CNTN5: variants seen among roughly 807,000 people sequenced by gnomAD.
CNTN5 encodes the protein contactin-5.
A neutral mutation model predicts 129.1 loss-of-function variants in CNTN5; 77 were observed. That is an observed-to-expected ratio of 0.60 (90% confidence interval 0.50 to 0.72). The LOEUF is 0.72. Ranked by LOEUF, CNTN5 falls within the 30% of genes least tolerant of loss-of-function variation. The pLI is 0.00. For synonymous variants in CNTN5, 509 were observed against 465.6 expected, an observed-to-expected ratio of 1.09 and a Z score of -1.20; for missense variants, 1,478 against 1,328.8, an observed-to-expected ratio of 1.11 and a Z score of -1.75.
At chr11:99,420,129 C>A (rs766048601) in intron 2 of CNTN5, among the ~76,000 whole-genome samples, 1 of 152,032 alleles carries the variant, frequency 6.6e-6, no homozygotes, top group Admixed American at 6.6e-5. Flanking sequence ...ATAAATTCCC[C>A]GGATACAAGG....
chr11:100,283,126 A>G (rs1950677814), intron 18 of CNTN5, among the ~76,000 whole-genome samples: 1 of 152,126 alleles, frequency 6.6e-6, no homozygotes, highest in African/African-American at 2.4e-5. Context: ...AGTCTCCTTT[A>G]CTTTTCATAG....
chr11:100,037,112 G>T (rs1177381268), intron 9 of CNTN5, among the ~76,000 whole-genome samples: 11 of 151,582 alleles, frequency 7.3e-5, no homozygotes, highest in Non-Finnish European at 1.6e-4. Flanking sequence ...GGTTTGTCAT[G>T]GATAGCTTTT....
chr11:100,317,817 A>G (rs931559793), intron 21 of CNTN5, among the ~76,000 whole-genome samples: 12 of 152,356 alleles, frequency 7.9e-5, no homozygotes, highest in African/African-American at 2.6e-4. Flanking sequence ...AACTAAAACA[A>G]CTTTAAAATT....
chr11:99,544,113 A>G (rs1040450618), intron 2 of CNTN5, among the ~76,000 whole-genome samples: 7 of 152,108 alleles, frequency 4.6e-5, no homozygotes, highest in African/African-American at 7.2e-5. Context: ...TGGCACTGGC[A>G]TCTGCTTAGT....
At chr11:99,983,303 G>A (rs568398976) in intron 8 of CNTN5, among the ~76,000 whole-genome samples, 1 of 152,290 alleles carries the variant, frequency 6.6e-6, no homozygotes, top group South Asian at 2.1e-4. Flanking sequence ...AAAATATGTG[G>A]CTGTAAAGTG....
chr11:100,172,117 C>A (rs1044612359), intron 13 of CNTN5, among the ~76,000 whole-genome samples: 7 of 151,816 alleles, frequency 4.6e-5, no homozygotes, highest in African/African-American at 1.7e-4. Flanking sequence ...GAAGTTAATT[C>A]AAAATGCAAA....
chr11:100,259,470 C>T (rs1027916286), intron 17 of CNTN5, among the ~76,000 whole-genome samples: 2 of 152,170 alleles, frequency 1.3e-5, no homozygotes, highest in South Asian at 2.1e-4. Context: ...CAGAACTCTC[C>T]ACCCCAAATC....
intron 17 of CNTN5, among the ~76,000 whole-genome samples, chr11:100,265,743 C>G (rs1480059144): frequency 6.6e-6 from 1 of 152,100 alleles, no homozygotes; most frequent in Non-Finnish European, 1.5e-5. Context: ...ATACCGCCTC[C>G]TGCAAATGAG....
intron 3 of CNTN5, among the ~76,000 whole-genome samples, chr11:99,714,870 G>C (rs1057382407): frequency 7.0e-6 from 1 of 143,408 alleles, no homozygotes; most frequent in African/African-American, 2.5e-5. Flanking sequence ...AAAAAACCTT[G>C]AAGCTGTCTA....
intron 1 of CNTN5, among the ~76,000 whole-genome samples, chr11:99,302,342 A>G (rs1462964346): frequency 2.0e-5 from 3 of 151,696 alleles, no homozygotes; most frequent in Non-Finnish European, 4.4e-5. Flanking sequence ...GACCAAGATA[A>G]AAATAAAGAA....
rs187517911 is a variant in CNTN5 at position 99,754,277 on chromosome 11, C to T, written c.56-65267C>T. Reference sequence around the variant, plus strand: ...CTTAACAGTTCATGAATACAAACACCTTCTAAAAGGAATATACACATTTCT... The same window carrying T: ...CTTAACAGTTCATGAATACAAACACTTTCTAAAAGGAATATACACATTTCT... On this transcript the variant is annotated intron_variant, in intron 3 of 24. Transcript: ENST00000524871. Among the ~76,000 whole-genome samples, 9 of 152,244 alleles carry T rather than the reference C, an allele frequency of 5.9e-5. No individual in the cohort carries two copies. In the East Asian group the frequency reaches 7.7e-4, roughly 13 times the overall value.
intron 3 of CNTN5, among the ~76,000 whole-genome samples, chr11:99,702,891 A>T (rs895238601): frequency 4.0e-5 from 6 of 151,022 alleles, no homozygotes; most frequent in Admixed American, 2.0e-4. Flanking sequence ...TTTGTTTGTG[A>T]GATAGCCTCT....
chr11:99,531,012 T>C (rs1301633228), intron 2 of CNTN5, among the ~76,000 whole-genome samples: 1 of 152,172 alleles, frequency 6.6e-6, no homozygotes, highest in Non-Finnish European at 1.5e-5. Flanking sequence ...ACTTTGAAAC[T>C]GGGTAACAGG....
At chr11:100,093,202 G>A (rs1431294954) in intron 13 of CNTN5, among the ~76,000 whole-genome samples, 1 of 152,014 alleles carries the variant, frequency 6.6e-6, no homozygotes, top group Admixed American at 6.6e-5. Flanking sequence ...TCTAGCTGTG[G>A]GAAGCCCTGT....
Position 100,209,188 on chromosome 11 carries a change from A to G in CNTN5, c.1885-15504A>G, listed in dbSNP as rs75900926. 7.2e-5 allele frequency among the ~76,000 whole-genome samples: 11 copies of G among 152,290 alleles called. No individual in the cohort carries two copies. In the East Asian group the frequency reaches 2.1e-3, roughly 29 times the overall value. ...TAGCAATCTACCACACAACCTCTAAATGATACTTTAGCTGTGATATCATTT... is the reference window on the plus strand; with the variant it reads ...TAGCAATCTACCACACAACCTCTAAGTGATACTTTAGCTGTGATATCATTT... On this transcript the variant is annotated intron_variant, in intron 15 of 24. Transcript: ENST00000524871.
chr11:100,221,777 G>C (rs1330386968), intron 15 of CNTN5, among the ~76,000 whole-genome samples: 1 of 151,922 alleles, frequency 6.6e-6, no homozygotes, highest in African/African-American at 2.4e-5. Context: ...CAAGTAGCAG[G>C]ATTTGTTCAT....
chr11:99,999,888 T>C (rs1939744782), intron 8 of CNTN5, among the ~76,000 whole-genome samples: 1 of 152,040 alleles, frequency 6.6e-6, no homozygotes, highest in Admixed American at 6.6e-5. Context: ...ATCATCATTC[T>C]CAGTAAACTG....
chr11:100,152,679 C>G (rs1396759122), intron 13 of CNTN5, among the ~76,000 whole-genome samples: 1 of 151,996 alleles, frequency 6.6e-6, no homozygotes, highest in East Asian at 1.9e-4. Flanking sequence ...TTTTTCAGTA[C>G]TTAAAAGACT....
chr11:99,598,326 GTCCC>G (rs1228124829), intron 3 of CNTN5, among the ~76,000 whole-genome samples: 285 of 4,292 alleles, frequency 0.066, 70 homozygotes, highest in Non-Finnish European at 0.11. Context: ...TTTCTTTTCT[GTCCC>G]TCTCTCTCTC....
Sources: allele counts gnomAD v4.1 joint callset (sites outside exome capture counted in the v4.1 genomes callset), GRCh38; gene constraint gnomAD v4.1.1; transcripts MANE v1.5; gene names NCBI Gene and HGNC (gene_info 2026-07-23, HGNC 2026-07-21).